The following SORCS3 variants were observed in gnomAD, a reference collection of about 807,000 sequenced individuals.
SORCS3 encodes sortilin related VPS10 domain containing receptor 3.
SORCS3 carries 57 observed loss-of-function variants against 146.3 expected under a neutral mutation model. That is an observed-to-expected ratio of 0.39 (90% CI 0.31 to 0.49). The LOEUF (loss-of-function observed/expected upper bound fraction) is 0.49. Ranked by LOEUF, SORCS3 falls within the 20% of genes least tolerant of loss-of-function variation. The pLI, the probability that SORCS3 is intolerant of heterozygous loss-of-function variation, is 0.92. For missense variants in SORCS3, 1,341 were observed against 1,575.5 expected (o/e 0.85, Z 2.52); for synonymous variants, 653 against 618.5 (o/e 1.06, Z -0.83).
chr10:104,805,732 C>T (rs1407813277), intron 1 of SORCS3, among the ~76,000 whole-genome samples: 1 of 152,052 alleles, frequency 6.6e-6, no homozygotes, highest in East Asian at 1.9e-4. Context: ...TCACATTTCC[C>T]CTGCCTTCAA....
At chr10:104,888,057 T>A (rs2018709757) in intron 2 of SORCS3, among the ~76,000 whole-genome samples, 1 of 151,496 alleles carries the variant, frequency 6.6e-6, no homozygotes, top group Non-Finnish European at 1.5e-5. Flanking sequence ...TTGAAGGCAG[T>A]TGGGAAGCTG....
chr10:105,215,878 C>T (rs1380672848), intron 18 of SORCS3, among the ~76,000 whole-genome samples: 2 of 149,626 alleles, frequency 1.3e-5, no homozygotes, highest in Non-Finnish European at 2.9e-5. Context: ...TTCTATCACT[C>T]ATCTTCATAT....
At chr10:104,998,159 A>G (rs2055038541) in intron 4 of SORCS3, among the ~76,000 whole-genome samples, 1 of 152,172 alleles carries the variant, frequency 6.6e-6, no homozygotes, top group South Asian at 2.1e-4. Flanking sequence ...GTTTATTCCC[A>G]GTTGAAAGTA....
chr10:104,899,636 A>T (rs2018831525), intron 2 of SORCS3, among the ~76,000 whole-genome samples: 1 of 152,158 alleles, frequency 6.6e-6, no homozygotes, highest in African/African-American at 2.4e-5. Flanking sequence ...TGCTTCCACA[A>T]AGTAGGTCAG....
intron 1 of SORCS3, among the ~76,000 whole-genome samples, chr10:104,733,072 T>C (rs1286711462): frequency 1.3e-5 from 2 of 152,210 alleles, no homozygotes; most frequent in African/African-American, 4.8e-5. Context: ...AGAACTGATG[T>C]AGATTGTCAT....
chr10:105,134,420 C>G (rs2133774547), intron 7 of SORCS3, among the ~76,000 whole-genome samples: 1 of 152,126 alleles, frequency 6.6e-6, no homozygotes, highest in African/African-American at 2.4e-5. Context: ...TTATTTTTCA[C>G]AGTTCTAAAG....
intron 5 of SORCS3, among the ~76,000 whole-genome samples, chr10:105,059,211 C>G (rs2055466457): frequency 6.6e-6 from 1 of 152,096 alleles, no homozygotes; most frequent in South Asian, 2.1e-4. Flanking sequence ...TATCAAAAAC[C>G]CCCTCTTTTC....
At chr10:104,658,846 GTTTT>G (rs1416908992) in intron 1 of SORCS3, among the ~76,000 whole-genome samples, 1 of 151,344 alleles carries the variant, frequency 6.6e-6, no homozygotes, top group Non-Finnish European at 1.5e-5. Context: ...TTTGTCTTTT[GTTTT>G]TTGTTTTTTG....
At chr10:105,170,660 C>T (rs1295056807) in intron 13 of SORCS3, among the ~76,000 whole-genome samples, 2 of 152,114 alleles carry the variant, frequency 1.3e-5, no homozygotes, top group Non-Finnish European at 2.9e-5. Flanking sequence ...CTATGAATGC[C>T]ATTCTCTAAA....
intron 4 of SORCS3, among the ~76,000 whole-genome samples, chr10:105,005,110 A>T (rs61867194): frequency 2.0e-5 from 3 of 152,030 alleles, no homozygotes; most frequent in Admixed American, 1.3e-4. Context: ...GAATACCACA[A>T]GATTGCTAAT....
intron 7 of SORCS3, among the ~76,000 whole-genome samples, chr10:105,120,775 T>A (rs2055926760): frequency 6.6e-6 from 1 of 152,162 alleles, no homozygotes. Flanking sequence ...TATGAATGGG[T>A]CATGTCTAGC....
intron 1 of SORCS3, among the ~76,000 whole-genome samples, chr10:104,764,082 T>C (rs1474433522): frequency 6.6e-6 from 1 of 152,110 alleles, no homozygotes; most frequent in Non-Finnish European, 1.5e-5. Flanking sequence ...ACATTAATTT[T>C]ACATAGTTTT....
At chr10:104,901,282 G>A (rs1352293685) in intron 2 of SORCS3, among the ~76,000 whole-genome samples, 5 of 152,112 alleles carry the variant, frequency 3.3e-5, no homozygotes, top group Non-Finnish European at 5.9e-5. Context: ...TTTTATAGAT[G>A]AGAAAACTGA....
chr10:104,946,786 G>A (rs2019375736), intron 3 of SORCS3, among the ~76,000 whole-genome samples: 1 of 152,154 alleles, frequency 6.6e-6, no homozygotes, highest in Non-Finnish European at 1.5e-5. Context: ...TGTGGCCCAA[G>A]GGAGCAGAGG....
chr10:104,852,871 A>G (rs2018288242), intron 2 of SORCS3, among the ~76,000 whole-genome samples: 1 of 152,216 alleles, frequency 6.6e-6, no homozygotes, highest in Admixed American at 6.5e-5. Flanking sequence ...GGCAATTAAC[A>G]CTGATCTTAG....
intron 1 of SORCS3, among the ~76,000 whole-genome samples, chr10:104,838,366 A>G (rs911795610): frequency 6.6e-6 from 1 of 151,988 alleles, no homozygotes; most frequent in Non-Finnish European, 1.5e-5. Flanking sequence ...TTCCCTGGAA[A>G]TTCACTCCTC....
chr10:105,195,252 A>C (rs2056537618), intron 14 of SORCS3, among the ~76,000 whole-genome samples: 1 of 152,142 alleles, frequency 6.6e-6, no homozygotes, highest in Admixed American at 6.5e-5. Context: ...ACTTAAGAGG[A>C]GTATTTCTGG....
At chr10:104,839,302 G>A (rs1471903362) in intron 1 of SORCS3, among the ~76,000 whole-genome samples, 1 of 152,160 alleles carries the variant, frequency 6.6e-6, no homozygotes, top group African/African-American at 2.4e-5. Context: ...TCACAGGAGA[G>A]AACATTTTTG....
At chr10:104,770,109 C>T (rs541935314) in intron 1 of SORCS3, among the ~76,000 whole-genome samples, 1 of 152,284 alleles carries the variant, frequency 6.6e-6, no homozygotes, top group African/African-American at 2.4e-5. Context: ...GCAACCTACT[C>T]TCAAGGACTC....
Sources: allele counts gnomAD v4.1 joint callset (sites outside exome capture counted in the v4.1 genomes callset), GRCh38; gene constraint gnomAD v4.1.1; transcripts MANE v1.5; gene names NCBI Gene and HGNC (gene_info 2026-07-23, HGNC 2026-07-21).